The following ANKRD29 variants were observed in gnomAD, a reference collection of about 807,000 sequenced individuals.
ANKRD29 encodes ankyrin repeat domain-containing protein 29.
Under a neutral mutation model 38.0 loss-of-function variants are expected in ANKRD29, and 32 were observed. The observed-to-expected ratio is 0.84, with a 90% CI of 0.64 to 1.13. The LOEUF (loss-of-function observed/expected upper bound fraction) is 1.13, where lower values mean the gene tolerates loss of function less well. ANKRD29 is among the 50% of genes most tolerant of loss of function. ANKRD29 has a pLI of 0.00. For missense variants in ANKRD29, 357 were observed against 377.9 expected, an observed-to-expected ratio of 0.94 and a Z score of 0.46; for synonymous variants, 135 against 152.4, an observed-to-expected ratio of 0.89 and a Z score of 0.84.
chr18:23,604,079 T>A (rs966277773), intron 9 of ANKRD29, among the ~76,000 whole-genome samples: 1 of 152,160 alleles, frequency 6.6e-6, no homozygotes, highest in African/African-American at 2.4e-5. Flanking sequence ...TGACCTCAAG[T>A]GATGCGCCTG....
At chr18:23,607,899 GCTA>G (rs757442021) in intron 9 of ANKRD29, among the ~76,000 whole-genome samples, 2 of 152,212 alleles carry the variant, frequency 1.3e-5, no homozygotes, top group Non-Finnish European at 2.9e-5. Flanking sequence ...CAGGGGTATG[GCTA>G]CAGTCTGAGG....
chr18:23,618,008 T>C (rs552396031), intron 7 of ANKRD29, among the ~76,000 whole-genome samples, 181 bp from the exon 8 acceptor site: 1 of 152,318 alleles, frequency 6.6e-6, no homozygotes, highest in South Asian at 2.1e-4. Flanking sequence ...AAATTCTGCA[T>C]GAAAGAGTAT....
intron 1 of ANKRD29, chr18:23,649,589 T>C (rs2060185294): frequency 2.1e-6 from 1 of 476,882 alleles, no homozygotes; most frequent in Non-Finnish European, 4.1e-6. Context: ...TTTCCTCACC[T>C]CTAAGTGGGG....
intron 6 of ANKRD29, among the ~76,000 whole-genome samples, chr18:23,623,744 G>A (rs1049772365): frequency 3.3e-5 from 5 of 151,874 alleles, no homozygotes; most frequent in Non-Finnish European, 5.9e-5. Context: ...CCGGGTTCAC[G>A]CCATTCTCCT....
intron 1 of ANKRD29, among the ~76,000 whole-genome samples, chr18:23,660,118 TA>T (rs1374507785): frequency 1.3e-5 from 2 of 151,850 alleles, no homozygotes; most frequent in Non-Finnish European, 2.9e-5. Context: ...CTCAAAAAAA[TA>T]AATAAAATAA....
At chr18:23,637,806 G>T (rs767527244) in intron 4 of ANKRD29, among the ~76,000 whole-genome samples, 5 of 152,010 alleles carry the variant, frequency 3.3e-5, no homozygotes, top group African/African-American at 4.8e-5. Flanking sequence ...TCCAACTTGC[G>T]CACATTTTCA....
At chr18:23,634,208 A>C in intron 4 of ANKRD29, 59 bp from the exon 5 acceptor site, 1 of 1,330,676 alleles carries the variant, frequency 7.5e-7, no homozygotes, top group Non-Finnish European at 1.1e-6. Flanking sequence ...ATTCACCAGC[A>C]GATGTTCCTC....
At chr18:23,604,738 C>T (rs1307507142) in intron 9 of ANKRD29, among the ~76,000 whole-genome samples, 1 of 151,642 alleles carries the variant, frequency 6.6e-6, no homozygotes, top group Non-Finnish European at 1.5e-5. Flanking sequence ...ACCATGTTGG[C>T]CAGGATGGTC....
chr18:23,608,755 C>G (rs1469713875), intron 9 of ANKRD29, among the ~76,000 whole-genome samples: 1 of 152,180 alleles, frequency 6.6e-6, no homozygotes, highest in Non-Finnish European at 1.5e-5. Context: ...AAATTGATAA[C>G]AGCCCTTTCC....
intron 7 of ANKRD29, 45 bp downstream of exon 7, chr18:23,619,486 G>A: frequency 5.9e-6 from 9 of 1,516,364 alleles, no homozygotes; most frequent in Non-Finnish European, 7.9e-6. Context: ...CCACACAGGC[G>A]CGCCGGGAGG....
At chr18:23,633,279 A>G (rs2059957118) in intron 5 of ANKRD29, among the ~76,000 whole-genome samples, 1 of 152,220 alleles carries the variant, frequency 6.6e-6, no homozygotes, top group Admixed American at 6.5e-5. Flanking sequence ...TATTTCACAG[A>G]GGTCTTCATC....
intron 1 of ANKRD29, 32 bp from the exon 2 acceptor site, chr18:23,649,225 A>G: frequency 6.5e-7 from 1 of 1,543,814 alleles, no homozygotes; most frequent in Non-Finnish European, 8.9e-7. Flanking sequence ...GGATCTTAAA[A>G]TTGATGTCAG....
intron 8 of ANKRD29, among the ~76,000 whole-genome samples, chr18:23,615,460 C>T (rs1057437076): frequency 6.6e-6 from 1 of 151,986 alleles, no homozygotes; most frequent in South Asian, 2.1e-4. Context: ...TTCTCTGTCA[C>T]CTAGGCTGCA....
At chr18:23,612,033 C>T (rs545512757) in intron 9 of ANKRD29, 59 bp downstream of exon 9, 1 of 1,484,608 alleles carries the variant, frequency 6.7e-7, no homozygotes, top group Non-Finnish European at 9.3e-7. Context: ...TTTATCCTTC[C>T]TGGCCTAGGA....
At chr18:23,602,008 T>C (rs1599046642) in intron 9 of ANKRD29, among the ~76,000 whole-genome samples, 1 of 151,700 alleles carries the variant, frequency 6.6e-6, no homozygotes, top group East Asian at 2.0e-4. Context: ...ACTAAGGACT[T>C]GGGACTGAGT....
intron 5 of ANKRD29, among the ~76,000 whole-genome samples, chr18:23,631,227 G>T (rs2059928317): frequency 6.7e-6 from 1 of 149,556 alleles, no homozygotes. Context: ...GCAAGACCTT[G>T]TCTCTCTCTC....
At chr18:23,602,548 A>T (rs536846752) in intron 9 of ANKRD29, among the ~76,000 whole-genome samples, 54 of 152,210 alleles carry the variant, frequency 3.5e-4, no homozygotes, top group African/African-American at 1.3e-3. Flanking sequence ...TGGCTCTCAA[A>T]CCTGTTGGTT....
At chr18:23,640,153 G>A (rs1000530821) in intron 3 of ANKRD29, among the ~76,000 whole-genome samples, 1 of 152,190 alleles carries the variant, frequency 6.6e-6, no homozygotes, top group African/African-American at 2.4e-5. Context: ...AGAGGCCAAT[G>A]TGACCACATA....
At position 23,617,762 on chromosome 18, in the gene ANKRD29, A is replaced by C. The variant is rs1024657260; in HGVS notation, c.693T>G (p.Leu231=). 6.2e-7 allele frequency: 1 copy of C among 1,614,056 alleles called. No homozygotes were observed. ...KGYNDVIKEL[L]KFSPTLGILK... is the part of the protein sequence containing the mutation. Reference sequence around the variant, plus strand: ...AAATACCAAGAGTGGGTGAGAATTTAAGCAACTCTTTTATGACATCATTAT... The same window carrying C: ...AAATACCAAGAGTGGGTGAGAATTTCAGCAACTCTTTTATGACATCATTAT... Residue 231 remains leucine, a synonymous_variant, in exon 8 of 10, where the codon CTT becomes CTG. Transcript: ENST00000592179.
Sources: gnomAD v4.1 joint callset for allele counts (sites outside exome capture counted in the v4.1 genomes callset) on GRCh38, gnomAD v4.1.1 for gene constraint, MANE v1.5 for transcripts, NCBI Gene and HGNC (gene_info 2026-07-23, HGNC 2026-07-21) for gene names.